Variants in GRIK5 observed in about 807,000 individuals in gnomAD.
GRIK5 encodes glutamate receptor ionotropic, kainate 5.
A neutral mutation model predicts 97.4 loss-of-function variants in GRIK5; 43 were observed. The ratio of observed to expected loss-of-function variants is 0.44; its 90% CI spans 0.35 to 0.57. The LOEUF (loss-of-function observed/expected upper bound fraction) is 0.57, where lower values mean the gene tolerates loss of function less well. Among genes scored for constraint, GRIK5 ranks in the 20% least tolerant of loss-of-function variants. The pLI, the probability that GRIK5 is intolerant of heterozygous loss-of-function variation, is 0.01. For missense variants in GRIK5, 1,015 were observed against 1,382.0 expected (o/e 0.73, Z 4.21); for synonymous variants, 580 against 583.5 (o/e 0.99, Z 0.09).
At chr19:42,026,251 G>C (rs896701433) in intron 12 of GRIK5, among the ~76,000 whole-genome samples, 1 of 151,948 alleles carries the variant, frequency 6.6e-6, no homozygotes, top group African/African-American at 2.4e-5. Flanking sequence ...GCCTCCCAAA[G>C]TGCTTGGATT....
intron 8 of GRIK5, among the ~76,000 whole-genome samples, chr19:42,055,902 C>T (rs1380570663): frequency 2.6e-5 from 4 of 151,906 alleles, no homozygotes; most frequent in Non-Finnish European, 2.9e-5. Flanking sequence ...AGGCTGATCT[C>T]GAACTCCTGG....
chr19:42,047,972 C>CAAAAAA (rs552963887), intron 11 of GRIK5, among the ~76,000 whole-genome samples: 1 of 54,950 alleles, frequency 1.8e-5, no homozygotes, highest in Non-Finnish European at 3.5e-5. Context: ...GACTCTGTCT[C>CAAAAAA]AAAAAAAAAA....
chr19:42,046,020 A>G (rs1378354976), intron 11 of GRIK5, among the ~76,000 whole-genome samples: 1 of 152,210 alleles, frequency 6.6e-6, no homozygotes, highest in Non-Finnish European at 1.5e-5. Context: ...GAAACTGAGA[A>G]TCCTAGAGAC....
At chr19:42,036,501 C>G (rs931434445) in intron 12 of GRIK5, among the ~76,000 whole-genome samples, 12 of 152,124 alleles carry the variant, frequency 7.9e-5, no homozygotes, top group African/African-American at 2.9e-4. Flanking sequence ...ACTACAGGCA[C>G]ATGCCACCAC....
At chr19:42,068,532 A>G (rs773360707) in intron 1 of GRIK5, 4 of 395,604 alleles carry the variant, frequency 1.0e-5, no homozygotes, top group Non-Finnish European at 1.8e-5. Context: ...TGGGGGAAAG[A>G]GGTGGAAAAG....
intron 8 of GRIK5, among the ~76,000 whole-genome samples, chr19:42,056,072 G>A (rs536975975): frequency 5.3e-5 from 8 of 151,056 alleles, no homozygotes; most frequent in Admixed American, 1.3e-4. Flanking sequence ...TGCAACCTCC[G>A]CCTCCCAGGT....
At chr19:42,046,185 T>C (rs1030034553) in intron 11 of GRIK5, among the ~76,000 whole-genome samples, 4 of 152,168 alleles carry the variant, frequency 2.6e-5, no homozygotes, top group African/African-American at 9.7e-5. Context: ...CACTGTGCAC[T>C]CTGAACCCTG....
intron 17 of GRIK5, among the ~76,000 whole-genome samples, chr19:42,004,861 C>T (rs146608271): frequency 3.0e-4 from 46 of 152,262 alleles, no homozygotes; most frequent in African/African-American, 8.7e-4. Flanking sequence ...GTGATCCTTC[C>T]GGCTTGGCCT....
At chr19:42,069,166 C>A in intron 1 of GRIK5, 75 bp downstream of exon 1, 1 of 389,402 alleles carries the variant, frequency 2.6e-6, no homozygotes, top group South Asian at 1.0e-4. Flanking sequence ...TGTGGTGCCC[C>A]CCTGCCAGGC....
At chr19:42,008,159 A>G (rs1555873178) in intron 15 of GRIK5, among the ~76,000 whole-genome samples, 2 of 152,010 alleles carry the variant, frequency 1.3e-5, no homozygotes, top group African/African-American at 2.4e-5. Flanking sequence ...TTGGGATTAC[A>G]GGCACCTGCC....
intron 11 of GRIK5, among the ~76,000 whole-genome samples, chr19:42,049,649 T>C (rs1049399679): frequency 2.0e-5 from 3 of 152,048 alleles, no homozygotes; most frequent in African/African-American, 7.2e-5. Context: ...TGGGGAGGCT[T>C]TGGGTTGGGG....
At chr19:42,023,787 T>C (rs2146056417) in intron 12 of GRIK5, among the ~76,000 whole-genome samples, 1 of 152,326 alleles carries the variant, frequency 6.6e-6, no homozygotes, top group African/African-American at 2.4e-5. Context: ...GCCACTGGTA[T>C]CTCACTCCTG....
At chr19:42,037,281 G>A (rs2075917871) in intron 12 of GRIK5, among the ~76,000 whole-genome samples, 1 of 152,168 alleles carries the variant, frequency 6.6e-6, no homozygotes, top group Non-Finnish European at 1.5e-5. Flanking sequence ...CCAACATGGC[G>A]AAACCCCGTC....
intron 15 of GRIK5, among the ~76,000 whole-genome samples, chr19:42,013,408 C>CTTT (rs961451223): frequency 1.7e-4 from 21 of 123,238 alleles, no homozygotes; most frequent in Non-Finnish European, 3.3e-4. Flanking sequence ...TTTTTCTTTT[C>CTTT]TTTTTTTTTT....
intron 3 of GRIK5, among the ~76,000 whole-genome samples, chr19:42,064,623 C>T (rs1427824826): frequency 6.6e-6 from 1 of 152,210 alleles, no homozygotes; most frequent in Non-Finnish European, 1.5e-5. Flanking sequence ...TGATCTGAAA[C>T]ATACACGAAC....
chr19:42,053,852 T>G lies in GRIK5; in HGVS notation c.1134A>C (p.Leu378=). 3 of 1,613,858 alleles carry G rather than the reference T, an allele frequency of 1.9e-6. No homozygotes were observed. Among genetic ancestry groups the G allele is most frequent in the Non-Finnish European group, 2.5e-6 (3 of 1,179,754 alleles). ...CACGGTGGCCCTGCCGGGACTTTTC[T>G]AGGATGCGCAGGGTGTAGTTGGTTC... ...GQRTNYTLRI[L]EKSRQGHREI... The change falls in exon 10 of 20, where the codon CTA becomes CTC. Residue 378 remains leucine, a synonymous_variant. Coordinates refer to ENST00000593562, the MANE Select transcript of GRIK5 (RefSeq NM_002088.5).
In GRIK5 at chr19:42,002,421, T is replaced by C; in HGVS notation, c.2514+911A>G. ...GGAAAGGACAGACTTGCCGGAGGGATGTCCTTGAGAAGGCAACCTGGACAC... is the reference window on the plus strand; with the variant it reads ...GGAAAGGACAGACTTGCCGGAGGGACGTCCTTGAGAAGGCAACCTGGACAC... On this transcript the variant is annotated intron_variant, in intron 19 of 19. Transcript: ENST00000593562. This position sits in a 1 kb window ranked among gnomAD's most constrained non-coding sequence, Gnocchi z 5.2. 4.2e-6 allele frequency: 3 copies of C among 717,630 alleles called. No individual in the cohort carries two copies. Among genetic ancestry groups the C allele is most frequent in the South Asian group, 1.5e-5 (1 of 67,596 alleles). 44.5% of individuals were successfully genotyped at this position (717,630 alleles called of 1,614,324 possible).
At chr19:42,051,848 C>T (rs1249134751) in intron 11 of GRIK5, among the ~76,000 whole-genome samples, 4 of 152,184 alleles carry the variant, frequency 2.6e-5, no homozygotes, top group Non-Finnish European at 4.4e-5. Context: ...TCCTGCCGCT[C>T]CTGCTGCCTG....
rs1304260219 is a variant in GRIK5 at position 42,021,730 on chromosome 19, G to A, written c.1697+217C>T. Among the ~76,000 whole-genome samples, 3 of 152,050 alleles carry A rather than the reference G, an allele frequency of 2.0e-5. No individual in the cohort carries two copies. The highest frequency in any genetic ancestry group is 6.6e-5 in the Admixed American group (1 of 15,260). On this transcript the variant is annotated intron_variant, in intron 14 of 19. Transcript: ENST00000593562. The surrounding 1 kb of genome is among the most constrained non-coding windows in gnomAD (Gnocchi z 4.2). ...AAAAAAGGGAGAGGCGGGAAGGGGA[G>A]AGACCTGAACAGAGAACCACAGAGC...
Sources: gnomAD v4.1 joint callset for allele counts (sites outside exome capture counted in the v4.1 genomes callset) on GRCh38, gnomAD v4.1.1 for gene constraint, Gnocchi (gnomAD v3.1) non-coding constraint, MANE v1.5 for transcripts, NCBI Gene and HGNC (gene_info 2026-07-23, HGNC 2026-07-21) for gene names.